Variants in STAG1 observed in about 807,000 individuals in gnomAD.
STAG1 encodes the protein cohesin subunit SA-1.
In STAG1, 26 loss-of-function variants were observed where a neutral mutation model predicts 170.9. The observed-to-expected ratio is 0.15, with a 90% CI of 0.11 to 0.21. STAG1 has a LOEUF of 0.21. Among genes scored for constraint, STAG1 ranks in the 10% least tolerant of loss-of-function variants. The pLI, the probability that STAG1 is intolerant of heterozygous loss-of-function variation, is 1.00. For missense variants in STAG1, 964 were observed against 1,509.5 expected, an observed-to-expected ratio of 0.64 and a Z score of 5.99; for synonymous variants, 514 against 497.7, an observed-to-expected ratio of 1.03 and a Z score of -0.44.
chr3:136,552,230 T>G (rs1936435344), intron 5 of STAG1, among the ~76,000 whole-genome samples: 1 of 152,210 alleles, frequency 6.6e-6, no homozygotes, highest in Non-Finnish European at 1.5e-5. Context: ...AAAGTAAATA[T>G]GCAAATTATG....
chr3:136,701,887 T>C (rs1481424651), intron 1 of STAG1, among the ~76,000 whole-genome samples: 5 of 152,120 alleles, frequency 3.3e-5, no homozygotes, highest in Non-Finnish European at 2.9e-5. Flanking sequence ...TTCTACTTCT[T>C]TTCCCCCAGA....
At chr3:136,540,822 C>CAAAAAAAAAAAAAAAAAAAAAAAAAAAA (rs554338920) in intron 6 of STAG1, among the ~76,000 whole-genome samples, 10 of 46,306 alleles carry the variant, frequency 2.2e-4, no homozygotes, top group Non-Finnish European at 4.0e-4. Context: ...ACTGTGTCTC[C>CAAAAAAAAAAAAAAAAAAAAAAAAAAAA]AAAAAAAAAA....
intron 1 of STAG1, among the ~76,000 whole-genome samples, chr3:136,646,971 C>T (rs540149698): frequency 2.6e-5 from 4 of 152,044 alleles, no homozygotes; most frequent in Admixed American, 6.5e-5. Flanking sequence ...TTGAATGTTC[C>T]CAACACAAAG....
At chr3:136,680,916 C>T (rs990008389) in intron 1 of STAG1, among the ~76,000 whole-genome samples, 2 of 115,920 alleles carry the variant, frequency 1.7e-5, no homozygotes, top group African/African-American at 6.5e-5. Context: ...ATACTAAAAT[C>T]CACAGATGCT....
chr3:136,346,967 C>T lies in STAG1; in HGVS notation c.3271+2191G>A, dbSNP rs374488028. Among the ~76,000 whole-genome samples the T allele has an allele frequency of 2.2e-4, 34 of 151,252 alleles. No homozygotes were observed. The East Asian group carries it at 4.3e-3, about 19-fold the overall frequency. On this transcript the variant is annotated intron_variant, in intron 29 of 33. Coordinates refer to ENST00000383202, the MANE Select transcript of STAG1 (RefSeq NM_005862.3). ...TACAAAAATTAGCTGGGTGTGGTGG[C>T]ACATGCCTGTAGTCCCAGCTACTTG...
At chr3:136,715,341 C>A (rs1450474634) in intron 1 of STAG1, among the ~76,000 whole-genome samples, 2 of 151,600 alleles carry the variant, frequency 1.3e-5, no homozygotes, top group Non-Finnish European at 2.9e-5. Flanking sequence ...ATTATTTAGG[C>A]CCGGTGCAGT....
intron 1 of STAG1, among the ~76,000 whole-genome samples, chr3:136,677,127 C>T (rs1942150721): frequency 1.3e-5 from 2 of 152,082 alleles, no homozygotes; most frequent in Non-Finnish European, 2.9e-5. Flanking sequence ...TCTAAAATAA[C>T]AATTGGAAGT....
chr3:136,442,120 T>C (rs1381631072), intron 15 of STAG1, among the ~76,000 whole-genome samples: 1 of 152,122 alleles, frequency 6.6e-6, no homozygotes, highest in Non-Finnish European at 1.5e-5. Flanking sequence ...ATCACATGAA[T>C]CTGGGAGGCA....
intron 1 of STAG1, among the ~76,000 whole-genome samples, chr3:136,747,763 G>T (rs2107958755): frequency 1.3e-5 from 2 of 151,790 alleles, no homozygotes; most frequent in Non-Finnish European, 2.9e-5. Flanking sequence ...TCAAAGAATG[G>T]CAAGAATTAC....
chr3:136,347,737 G>T lies in STAG1; in HGVS notation c.3271+1421C>A, dbSNP rs116069777. On this transcript the variant is annotated intron_variant, in intron 29 of 33. Transcript: ENST00000383202. ...CATTACTATACAATGATAACGTTCA[G>T]ATAATTTATTGAATGCTACCTATGT... 6.5e-3 allele frequency among the ~76,000 whole-genome samples: 993 copies of T among 152,306 alleles called. 9 individuals are homozygous for T. Among genetic ancestry groups the T allele is most frequent in the African/African-American group, 0.023 (964 of 41,570 alleles).
intron 20 of STAG1, among the ~76,000 whole-genome samples, chr3:136,418,659 A>G (rs1255393214): frequency 4.0e-5 from 6 of 151,332 alleles, no homozygotes; most frequent in Admixed American, 3.9e-4. Context: ...TTTTTTTTTA[A>G]AAGACAGGGT....
chr3:136,661,975 T>A (rs1576730554), intron 1 of STAG1, among the ~76,000 whole-genome samples: 1 of 152,176 alleles, frequency 6.6e-6, no homozygotes, highest in East Asian at 1.9e-4. Flanking sequence ...CACCCTTAAC[T>A]ATTATCCACA....
intron 1 of STAG1, among the ~76,000 whole-genome samples, chr3:136,647,028 G>T (rs1205571923): frequency 6.6e-6 from 1 of 152,036 alleles, no homozygotes; most frequent in African/African-American, 2.4e-5. Context: ...ACTCTGATCT[G>T]ATCATTATAC....
chr3:136,368,449 A>G (rs1937163239), intron 24 of STAG1, among the ~76,000 whole-genome samples: 1 of 152,196 alleles, frequency 6.6e-6, no homozygotes, highest in Non-Finnish European at 1.5e-5. Flanking sequence ...TGTTCATTTA[A>G]GTAATACATA....
chr3:136,622,701 C>T (rs897458957), intron 3 of STAG1, among the ~76,000 whole-genome samples: 1 of 152,100 alleles, frequency 6.6e-6, no homozygotes, highest in African/African-American at 2.4e-5. Flanking sequence ...GACTGATGCT[C>T]GTACAATACA....
At chr3:136,585,268 C>T (rs573212535) in intron 4 of STAG1, among the ~76,000 whole-genome samples, 95 of 152,182 alleles carry the variant, frequency 6.2e-4, no homozygotes, top group African/African-American at 2.2e-3. Flanking sequence ...ATGGTAAAAC[C>T]CTGTCTCTGC....
At chr3:136,696,395 G>A (rs1942892951) in intron 1 of STAG1, among the ~76,000 whole-genome samples, 1 of 152,134 alleles carries the variant, frequency 6.6e-6, no homozygotes, top group Non-Finnish European at 1.5e-5. Context: ...TTGTATAAAT[G>A]ATTTTCATAA....
intron 7 of STAG1, among the ~76,000 whole-genome samples, chr3:136,505,758 CG>C (rs1933726951): frequency 6.6e-6 from 1 of 152,108 alleles, no homozygotes; most frequent in Admixed American, 6.5e-5. Flanking sequence ...GAAAAAACCA[CG>C]TCAGTTAATG....
chr3:136,375,131 TAAC>T (rs757575694), intron 23 of STAG1, among the ~76,000 whole-genome samples: 6 of 152,210 alleles, frequency 3.9e-5, no homozygotes, highest in Non-Finnish European at 8.8e-5. Context: ...TGAAATTGCC[TAAC>T]AACACATTTC....
Sources: allele counts gnomAD v4.1 joint callset (sites outside exome capture counted in the v4.1 genomes callset), GRCh38; gene constraint gnomAD v4.1.1; transcripts MANE v1.5; gene names NCBI Gene and HGNC (gene_info 2026-07-23, HGNC 2026-07-21).